DNAH11: variants seen among roughly 807,000 people sequenced by gnomAD.
DNAH11 encodes the protein dynein axonemal heavy chain 11.
Under a neutral mutation model 526.0 loss-of-function variants are expected in DNAH11, and 442 were observed. The ratio of observed to expected loss-of-function variants is 0.84; its 90% confidence interval spans 0.78 to 0.91. The LOEUF is 0.91. DNAH11 is among the 40% of genes least tolerant of loss of function. The probability of loss-of-function intolerance (pLI) is 0.00; values close to 1 mark genes in which losing one functional copy is unlikely to be tolerated. For synonymous variants in DNAH11, 2,461 were observed against 1,935.9 expected, an observed-to-expected ratio of 1.27 and a Z score of -7.12; for missense variants, 6,989 against 5,448.7, an observed-to-expected ratio of 1.28 and a Z score of -8.90.
chr7:21,736,849 A>G (rs1387315458), intron 46 of DNAH11, among the ~76,000 whole-genome samples: 1 of 152,194 alleles, frequency 6.6e-6, no homozygotes, highest in Non-Finnish European at 1.5e-5. Context: ...TATTTCATTC[A>G]TCTATTCAGA....
chr7:21,705,724 G>T (rs563910516), intron 39 of DNAH11, among the ~76,000 whole-genome samples, 187 bp downstream of exon 39: 2 of 152,162 alleles, frequency 1.3e-5, no homozygotes, highest in African/African-American at 4.8e-5. Context: ...TATTGGGTCA[G>T]CGGGGGGAGA....
At chr7:21,622,859 A>G (rs181966909) in intron 25 of DNAH11, among the ~76,000 whole-genome samples, 4,670 of 152,302 alleles carry the variant, frequency 0.031, 242 homozygotes, top group African/African-American at 0.11. Context: ...TAAAACCATA[A>G]AAACCCTAGA....
At chr7:21,756,354 G>C (rs1334566458) in intron 54 of DNAH11, among the ~76,000 whole-genome samples, 1 of 151,806 alleles carries the variant, frequency 6.6e-6, no homozygotes, top group African/African-American at 2.4e-5. Context: ...TCTATTTGGG[G>C]CTGTCTGTTA....
At position 21,638,845 on chromosome 7, in the gene DNAH11, A is replaced by T. The variant is rs1786988976; in HGVS notation, c.4818-94A>T. On this transcript the variant is annotated intron_variant, in intron 27 of 81. Transcript: ENST00000409508. Reference sequence around the variant, plus strand: ...ACCTGTTAAACAGTGAGTTTACTATAATGAATGGACATAGAGGACTTGAGT... The same window carrying T: ...ACCTGTTAAACAGTGAGTTTACTATTATGAATGGACATAGAGGACTTGAGT... The T allele has an allele frequency of 2.1e-6, 3 of 1,422,286 alleles. No individual in the cohort carries two copies. The South Asian group carries it at 4.2e-5, about 20-fold the overall frequency. 88.1% of individuals were successfully genotyped at this position (1,422,286 alleles called of 1,614,324 possible).
At chr7:21,795,328 C>G (rs1190369420) in intron 61 of DNAH11, among the ~76,000 whole-genome samples, 2 of 152,196 alleles carry the variant, frequency 1.3e-5, no homozygotes, top group Non-Finnish European at 2.9e-5. Flanking sequence ...TATTTGGGAT[C>G]TGGTACTTTA....
Position 21,543,570 on chromosome 7 carries a change from T to A in DNAH11, c.325T>A (p.Ser109Thr), listed in dbSNP as rs748502650. 6.2e-7 allele frequency: 1 copy of A among 1,601,868 alleles called. No individual in the cohort carries two copies. Among genetic ancestry groups the A allele is most frequent in the East Asian group, 2.2e-5 (1 of 44,456 alleles). Reference protein sequence around the residue: ...PACLVFSFAASGRLAASQEIP... With the variant: ...PACLVFSFAATGRLAASQEIP... Reference sequence around the variant, plus strand: ...TTGCCTTGTGTTTAGCTTCGCCGCCTCGGGGCGCCTTGCGGCTTCCCAGGA... The same window carrying A: ...TTGCCTTGTGTTTAGCTTCGCCGCCACGGGGCGCCTTGCGGCTTCCCAGGA... The change falls in exon 1 of 82, where the codon TCG (serine) becomes ACG (threonine). Residue 109 changes from serine (S) to threonine (T), a missense_variant. Physicochemically the swap from Ser to Thr is moderately conservative, Grantham distance 58 (BLOSUM62 1). Coordinates refer to ENST00000409508, the MANE Select transcript of DNAH11 (RefSeq NM_001277115.2).
chr7:21,587,373 C>A (rs1784507332), intron 9 of DNAH11, among the ~76,000 whole-genome samples: 1 of 152,128 alleles, frequency 6.6e-6, no homozygotes, highest in African/African-American at 2.4e-5. Flanking sequence ...GTCCCACTAT[C>A]AGTTGACTTC....
chr7:21,893,394 G>C (rs1380112081), intron 77 of DNAH11, among the ~76,000 whole-genome samples: 1 of 152,216 alleles, frequency 6.6e-6, no homozygotes, highest in Admixed American at 6.5e-5. Flanking sequence ...CCTCAATTGA[G>C]GAGTAATATT....
At chr7:21,621,550 G>A (rs200908995) in intron 25 of DNAH11, among the ~76,000 whole-genome samples, 7,960 of 152,154 alleles carry the variant, frequency 0.052, 247 homozygotes, top group East Asian at 0.17. Context: ...TATCCTTGAT[G>A]AACATTGATG....
chr7:21,858,953 C>A (rs763862273), intron 68 of DNAH11, among the ~76,000 whole-genome samples: 1 of 152,056 alleles, frequency 6.6e-6, no homozygotes, highest in Non-Finnish European at 1.5e-5. Flanking sequence ...CCAGAATGCT[C>A]CAAAATCTGA....
chr7:21,748,707 A>G lies in DNAH11; in HGVS notation c.8638A>G (p.Thr2880Ala), dbSNP rs765072691. The G allele has an allele frequency of 1.2e-6, 2 of 1,613,230 alleles. No homozygotes were observed. Among genetic ancestry groups the G allele is most frequent in the South Asian group, 2.2e-5 (2 of 90,992 alleles). Residue 2880 changes from threonine to alanine, a missense_variant, in exon 52 of 82, where the codon ACT (threonine) becomes GCT (alanine). Coordinates refer to ENST00000409508, the MANE Select transcript of DNAH11 (RefSeq NM_001277115.2). ...YLRGLEVFQI[T>A]LTEGYGIQEL... ...TCGTGGCCTTGAGGTCTTTCAGATCACTCTGACCGAGGGCTATGGAATCCA... is the reference window on the plus strand; with the variant it reads ...TCGTGGCCTTGAGGTCTTTCAGATCGCTCTGACCGAGGGCTATGGAATCCA...
At chr7:21,770,662 T>C (rs760477674) in intron 55 of DNAH11, among the ~76,000 whole-genome samples, 72 of 152,170 alleles carry the variant, frequency 4.7e-4, no homozygotes, top group Non-Finnish European at 8.1e-4. Flanking sequence ...AATCCTTCTT[T>C]TGACTATTGC....
chr7:21,861,442 A>T (rs905174806), intron 68 of DNAH11, among the ~76,000 whole-genome samples: 40 of 152,258 alleles, frequency 2.6e-4, no homozygotes, highest in African/African-American at 9.4e-4. Flanking sequence ...TGAGAAAAAA[A>T]TTCCACATTT....
intron 74 of DNAH11, among the ~76,000 whole-genome samples, chr7:21,878,039 A>G (rs1297752655): frequency 6.6e-6 from 1 of 152,198 alleles, no homozygotes; most frequent in Non-Finnish European, 1.5e-5. Context: ...ATCATTGTGC[A>G]TATAAAATTG....
chr7:21,644,388 G>T, intron 28 of DNAH11, among the ~76,000 whole-genome samples: 1 of 152,136 alleles, frequency 6.6e-6, no homozygotes, highest in East Asian at 1.9e-4. Flanking sequence ...AACCTTCACT[G>T]ACAGGAGGAT....
At position 21,618,994 on chromosome 7, in the gene DNAH11, C is replaced by T. The variant is rs1268285879; in HGVS notation, c.4255-106C>T. 2.1e-6 allele frequency: 3 copies of T among 1,429,766 alleles called. No homozygotes were observed. In the South Asian group the frequency reaches 3.6e-5, roughly 17 times the overall value. 88.6% of individuals were successfully genotyped at this position (1,429,766 alleles called of 1,614,324 possible). On this transcript the variant is annotated intron_variant, in intron 23 of 81. Transcript: ENST00000409508. ...TTCAAGACGAGAGATGTACTCAGCA[C>T]CTGACTTGAGTATATTTTAGTTAAG...
intron 56 of DNAH11, among the ~76,000 whole-genome samples, chr7:21,778,596 A>G (rs539941468): frequency 4.6e-5 from 7 of 152,250 alleles, no homozygotes; most frequent in South Asian, 4.1e-4. Context: ...ATCACCAAGT[A>G]TGTCTTCCCA....
At chr7:21,879,986 G>A (rs1045462355) in intron 74 of DNAH11, among the ~76,000 whole-genome samples, 10 of 151,494 alleles carry the variant, frequency 6.6e-5, no homozygotes, top group African/African-American at 2.4e-4. Context: ...TCAGGAGGCT[G>A]AGGCAGGAGA....
At chr7:21,564,765 G>C (rs1198737952) in intron 6 of DNAH11, among the ~76,000 whole-genome samples, 1 of 152,126 alleles carries the variant, frequency 6.6e-6, no homozygotes, top group Non-Finnish European at 1.5e-5. Flanking sequence ...AGTGTGGTAA[G>C]TTAAGAGCAT....
Sources: gnomAD v4.1 joint callset for allele counts (sites outside exome capture counted in the v4.1 genomes callset) on GRCh38, gnomAD v4.1.1 for gene constraint, MANE v1.5 for transcripts, NCBI Gene and HGNC (gene_info 2026-07-23, HGNC 2026-07-21) for gene names.